The following NGF variants were observed in gnomAD, a reference collection of about 807,000 sequenced individuals.
The protein encoded by NGF is nerve growth factor, also known as beta-nerve growth factor.
Under a neutral mutation model 12.8 loss-of-function variants are expected in NGF, and 4 were observed. The ratio of observed to expected loss-of-function variants is 0.31; its 90% CI spans 0.15 to 0.72. The LOEUF (loss-of-function observed/expected upper bound fraction) is 0.72. NGF is among the 30% of genes least tolerant of loss of function. NGF has a pLI of 0.69. For missense variants in NGF, 283 were observed against 330.8 expected (o/e 0.86, Z 1.12); for synonymous variants, 140 against 130.0 (o/e 1.08, Z -0.52).
intron 1 of NGF, among the ~76,000 whole-genome samples, chr1:115,308,860 T>A (rs900490209): frequency 2.6e-5 from 4 of 152,350 alleles, no homozygotes; most frequent in Admixed American, 1.3e-4. Context: ...GAGACTTGAA[T>A]ATACCATTCA....
At position 115,334,717 on chromosome 1, in the gene NGF, G is replaced by T. The variant is rs148971123; in HGVS notation, c.-137+3487C>A. On this transcript the variant is annotated intron_variant, in intron 1 of 2. Coordinates refer to ENST00000369512, the MANE Select transcript of NGF (RefSeq NM_002506.3). Reference sequence around the variant, plus strand: ...GAATACACTTAGCCCTTTATGAGGGGCATTTGAGGTTGTCACTATGACTTC... The same window carrying T: ...GAATACACTTAGCCCTTTATGAGGGTCATTTGAGGTTGTCACTATGACTTC... 1.5e-3 allele frequency among the ~76,000 whole-genome samples: 227 copies of T among 152,296 alleles called. 2 individuals carry two copies. Among genetic ancestry groups the T allele is most frequent in the African/African-American group, 5.3e-3 (220 of 41,580 alleles).
At chr1:115,324,994 A>T (rs1571094941) in intron 1 of NGF, among the ~76,000 whole-genome samples, 1 of 152,318 alleles carries the variant, frequency 6.6e-6, no homozygotes, top group Admixed American at 6.5e-5. Flanking sequence ...AAGAAAACAA[A>T]TCATAAAATT....
At chr1:115,324,853 T>A (rs1200987890) in intron 1 of NGF, among the ~76,000 whole-genome samples, 3 of 152,180 alleles carry the variant, frequency 2.0e-5, no homozygotes, top group Non-Finnish European at 4.4e-5. Flanking sequence ...TCCTTGTCAA[T>A]TATTTGTTGA....
intron 1 of NGF, among the ~76,000 whole-genome samples, chr1:115,332,133 C>A (rs554260685): frequency 6.6e-6 from 1 of 152,168 alleles, no homozygotes; most frequent in East Asian, 1.9e-4. Flanking sequence ...GGAGTTGTTA[C>A]GTGGAGTAAG....
chr1:115,333,958 C>A (rs1480267113), intron 1 of NGF, among the ~76,000 whole-genome samples: 1 of 151,758 alleles, frequency 6.6e-6, no homozygotes, highest in Non-Finnish European at 1.5e-5. Context: ...TCCTATAATA[C>A]CCTCCTACCC....
At chr1:115,337,267 G>GTTTGTTTTTTTGTTTTTTTTTTTTTTTT in intron 1 of NGF, among the ~76,000 whole-genome samples, 1 of 81,030 alleles carries the variant, frequency 1.2e-5, no homozygotes. Context: ...TTTTGTTTTT[G>GTTTGTTTTTTTGTTTTTTTTTTTTTTTT]TTTTTTTTTT....
At chr1:115,289,913 A>G (rs945915272) in intron 2 of NGF, among the ~76,000 whole-genome samples, 3 of 151,966 alleles carry the variant, frequency 2.0e-5, no homozygotes, top group Admixed American at 6.6e-5. Context: ...ACTGTATTTT[A>G]TCTTCCATTC....
At chr1:115,312,479 G>C (rs58369443) in intron 1 of NGF, among the ~76,000 whole-genome samples, 170 of 152,260 alleles carry the variant, frequency 1.1e-3, no homozygotes, top group African/African-American at 3.9e-3. Context: ...GAAATATTTA[G>C]TGAACAACTT....
intron 1 of NGF, among the ~76,000 whole-genome samples, chr1:115,302,914 A>T (rs558243261): frequency 6.6e-6 from 1 of 151,966 alleles, no homozygotes; most frequent in East Asian, 1.9e-4. Context: ...CCCCTTTGTC[A>T]TCTCCCTGTA....
At chr1:115,303,279 T>G (rs796243365) in intron 1 of NGF, among the ~76,000 whole-genome samples, 2 of 152,284 alleles carry the variant, frequency 1.3e-5, no homozygotes, top group East Asian at 3.9e-4. Flanking sequence ...CTAAGTGCTC[T>G]CCCTCTCTGC....
intron 1 of NGF, among the ~76,000 whole-genome samples, chr1:115,327,611 G>T (rs1053146269): frequency 6.6e-6 from 1 of 152,202 alleles, no homozygotes; most frequent in Non-Finnish European, 1.5e-5. Flanking sequence ...CATTTCAGGG[G>T]CAATTGATTC....
intron 1 of NGF, among the ~76,000 whole-genome samples, chr1:115,314,951 G>T (rs766064771): frequency 5.3e-5 from 8 of 152,224 alleles, no homozygotes; most frequent in Non-Finnish European, 1.2e-4. Context: ...TTCTGATGAG[G>T]CAATGTTTAC....
intron 1 of NGF, among the ~76,000 whole-genome samples, chr1:115,307,723 A>G (rs1654238881): frequency 6.6e-6 from 1 of 152,260 alleles, no homozygotes; most frequent in Non-Finnish European, 1.5e-5. Flanking sequence ...TTTCTGCTGG[A>G]AACATTTCAA....
In NGF at chr1:115,323,888, C is replaced by T. The variant is rs539289643; in HGVS notation, c.-137+14316G>A. ...CACAGACCCTGACCATACCCTTTCT[C>T]TTGGAAACAGTGACAGGATGGCCAG... On this transcript the variant is annotated intron_variant, in intron 1 of 2. Coordinates refer to ENST00000369512, the MANE Select transcript of NGF (RefSeq NM_002506.3). Among the ~76,000 whole-genome samples the T allele has an allele frequency of 4.6e-5, 7 of 152,304 alleles. No individual in the cohort carries two copies. In the East Asian group the frequency reaches 1.2e-3, roughly 25 times the overall value.
chr1:115,337,326 A>G (rs868592163), intron 1 of NGF, among the ~76,000 whole-genome samples: 43 of 107,598 alleles, frequency 4.0e-4, no homozygotes, highest in African/African-American at 1.5e-3. Flanking sequence ...TTGTAATTAG[A>G]GGGAGCTAAG....
chr1:115,302,857 G>A (rs1458498878), intron 1 of NGF, among the ~76,000 whole-genome samples: 2 of 152,200 alleles, frequency 1.3e-5, no homozygotes, highest in Non-Finnish European at 2.9e-5. Flanking sequence ...TTACTTTTAA[G>A]CTCTGCCTAA....
Position 115,338,206 on chromosome 1 carries a change from C to T in NGF, c.-139G>A, listed in dbSNP as rs1299748545. On this transcript the variant is annotated splice_region_variant and 5_prime_UTR_variant, in exon 1 of 3. Coordinates refer to ENST00000369512, the MANE Select transcript of NGF (RefSeq NM_002506.3). ...CGGCTCGGGGCAGCCTGACTCACCG[C>T]TGCGCTCCCCTCCGGCTCCCAGCGC... The T allele has an allele frequency of 6.6e-6, 1 of 152,386 alleles. No homozygotes were observed. The highest frequency in any genetic ancestry group is 1.5e-5 in the Non-Finnish European group (1 of 68,220). The allele number at this position is 152,386 out of a possible 1,614,324, so 9.4% of individuals were successfully genotyped here.
rs67307707 is a variant in NGF at position 115,337,267 on chromosome 1, G to GTTTTTTTTTTTTTTTTTT, written c.-137+919_-137+936dup. ...TCGAAATTTTTTTTGTTTTGTTTTTGTTTTTTTTTTTTTTTTTTTTTTTTT... is the reference window on the plus strand; with the variant it reads ...TCGAAATTTTTTTTGTTTTGTTTTTGTTTTTTTTTTTTTTTTTTTTTTTTTTTTTTTTTTTTTTTTTTT... On this transcript the variant is annotated intron_variant, in intron 1 of 2. Coordinates refer to ENST00000369512, the MANE Select transcript of NGF (RefSeq NM_002506.3). Among the ~76,000 whole-genome samples the GTTTTTTTTTTTTTTTTTT allele has an allele frequency of 3.5e-4, 28 of 81,028 alleles. 2 individuals carry two copies. The highest frequency in any genetic ancestry group is 5.6e-4 in the Non-Finnish European group (24 of 42,678). 53.2% of individuals were successfully genotyped at this position (81,028 alleles called of 152,430 possible). A position where few individuals can be genotyped will look rare whatever the true frequency, so the allele number is the denominator to read the frequency against.
chr1:115,316,054 A>G (rs1164427964), intron 1 of NGF, among the ~76,000 whole-genome samples: 1 of 152,332 alleles, frequency 6.6e-6, no homozygotes, highest in Middle Eastern at 3.4e-3. Context: ...TGATATCACA[A>G]TGTAGTAAAA....
Sources: gnomAD v4.1 joint callset for allele counts (sites outside exome capture counted in the v4.1 genomes callset) on GRCh38, gnomAD v4.1.1 for gene constraint, MANE v1.5 for transcripts, NCBI Gene and HGNC (gene_info 2026-07-23, HGNC 2026-07-21) for gene names.